Variants in DCDC1 observed in about 807,000 individuals in gnomAD.
DCDC1 encodes the protein doublecortin domain containing 1, also known as doublecortin domain-containing protein 1.
In DCDC1, 200 loss-of-function variants were observed where a neutral mutation model predicts 178.3. That is an observed-to-expected ratio of 1.12 (90% CI 1.00 to 1.26). The LOEUF is 1.26. Among genes scored for constraint, DCDC1 ranks in the 50% most tolerant of loss-of-function variants. The pLI, the probability that DCDC1 is intolerant of heterozygous loss-of-function variation, is 0.00. For missense variants in DCDC1, 1,983 were observed against 1,749.2 expected (o/e 1.13, Z -2.38); for synonymous variants, 690 against 604.8 (o/e 1.14, Z -2.07).
intron 20 of DCDC1, among the ~76,000 whole-genome samples, chr11:30,999,321 T>C (rs1951443380): frequency 6.6e-6 from 1 of 152,152 alleles, no homozygotes; most frequent in African/African-American, 2.4e-5. Context: ...ATGTAAGATG[T>C]TGGTTATGTA....
intron 9 of DCDC1, among the ~76,000 whole-genome samples, chr11:31,149,958 G>C (rs542854324): frequency 6.6e-6 from 1 of 152,302 alleles, no homozygotes; most frequent in South Asian, 2.1e-4. Flanking sequence ...CAGAAGGATT[G>C]CGGGATCAAA....
At chr11:31,072,973 A>G (rs1956659563) in intron 18 of DCDC1, among the ~76,000 whole-genome samples, 2 of 152,174 alleles carry the variant, frequency 1.3e-5, no homozygotes, top group Non-Finnish European at 2.9e-5. Context: ...TAAAGCAGCA[A>G]TTCTGCCTTT....
intron 11 of DCDC1, among the ~76,000 whole-genome samples, chr11:31,116,896 G>A (rs1960051410): frequency 6.6e-6 from 1 of 151,894 alleles, no homozygotes; most frequent in African/African-American, 2.4e-5. Context: ...GCCCAGAAAA[G>A]GCATACCAAA....
rs1315342239 is a variant in DCDC1 at position 31,137,782 on chromosome 11, C to T, written c.1224G>A (p.Leu408=). The change falls in exon 10 of 39, where the codon TTG becomes TTA. Residue 408 remains leucine (L), a splice_region_variant and synonymous_variant. Coordinates refer to ENST00000684477, the MANE Select transcript of DCDC1 (RefSeq NM_001387274.1). ...CCTTCTGTTCATTCATGACCAGGTT[C>T]AACTAGAAAAAACAAATAAACAGCA... ...LKSAKKYYKQ[L]NLVMNEQKEK... 5.7e-6 allele frequency: 4 copies of T among 701,578 alleles called. No individual in the cohort carries two copies. In the Admixed American group the frequency reaches 8.0e-5, roughly 14 times the overall value. 43.5% of individuals were successfully genotyped at this position (701,578 alleles called of 1,614,324 possible). A position where few individuals can be genotyped will look rare whatever the true frequency, so the allele number is the denominator to read the frequency against.
At chr11:30,867,407 C>T (rs1243626357) in intron 38 of DCDC1, among the ~76,000 whole-genome samples, 6 of 152,178 alleles carry the variant, frequency 3.9e-5, no homozygotes, top group Admixed American at 2.6e-4. Flanking sequence ...ATATCTACTT[C>T]GTAGGGTGGT....
intron 21 of DCDC1, among the ~76,000 whole-genome samples, chr11:30,934,862 AG>A (rs746505265): frequency 6.6e-6 from 1 of 152,138 alleles, no homozygotes; most frequent in African/African-American, 2.4e-5. Flanking sequence ...TCAATTTCTA[AG>A]GTTTGCCTTA....
chr11:30,894,782 C>T (rs1421422186), intron 34 of DCDC1, among the ~76,000 whole-genome samples: 2 of 152,114 alleles, frequency 1.3e-5, no homozygotes, highest in Non-Finnish European at 2.9e-5. Context: ...GCCTTTCCCC[C>T]ACAATTAGCT....
intron 20 of DCDC1, among the ~76,000 whole-genome samples, chr11:30,955,861 C>G (rs953875476): frequency 6.6e-6 from 1 of 152,180 alleles, no homozygotes. Flanking sequence ...TAAACCAACT[C>G]TGGTTAAGTC....
chr11:31,035,852 C>T (rs1220874425), intron 20 of DCDC1, among the ~76,000 whole-genome samples: 1 of 152,170 alleles, frequency 6.6e-6, no homozygotes, highest in East Asian at 1.9e-4. Context: ...CTGGAATTCT[C>T]CTGTAAGAAA....
chr11:31,294,877 CAG>C (rs763274126), intron 6 of DCDC1, among the ~76,000 whole-genome samples: 21 of 147,634 alleles, frequency 1.4e-4, no homozygotes, highest in Non-Finnish European at 3.0e-4. Flanking sequence ...AAAAAGAAAA[CAG>C]AAAGAGTGTA....
At chr11:30,975,366 G>C (rs1169151650) in intron 20 of DCDC1, among the ~76,000 whole-genome samples, 1 of 151,878 alleles carries the variant, frequency 6.6e-6, no homozygotes, top group Non-Finnish European at 1.5e-5. Context: ...GGAAGTCCTA[G>C]CCAGAGCAAT....
At chr11:31,089,937 C>T (rs1468537919) in intron 17 of DCDC1, among the ~76,000 whole-genome samples, 2 of 152,116 alleles carry the variant, frequency 1.3e-5, no homozygotes, top group African/African-American at 4.8e-5. Flanking sequence ...TGATTTTTCT[C>T]TTTAGTATAA....
intron 32 of DCDC1, among the ~76,000 whole-genome samples, chr11:30,901,206 A>T (rs2134110576): frequency 6.6e-6 from 1 of 152,248 alleles, no homozygotes; most frequent in Admixed American, 6.5e-5. Context: ...CCTCATAAAG[A>T]GCCTATTCGT....
intron 1 of DCDC1, among the ~76,000 whole-genome samples, chr11:31,363,440 G>T (rs1287611673): frequency 6.6e-6 from 1 of 152,108 alleles, no homozygotes; most frequent in Non-Finnish European, 1.5e-5. Flanking sequence ...TGCTAATGAT[G>T]AATTAAGTCA....
intron 8 of DCDC1, among the ~76,000 whole-genome samples, chr11:31,245,132 A>G (rs538151906): frequency 1.3e-5 from 2 of 151,536 alleles, no homozygotes; most frequent in East Asian, 3.9e-4. Context: ...CTCTGGCAAA[A>G]TATCCTAAAT....
chr11:31,100,312 C>T lies in DCDC1; in HGVS notation c.1983+1865G>A, dbSNP rs200595491. Among the ~76,000 whole-genome samples the T allele has an allele frequency of 7.2e-5, 11 of 152,278 alleles. No individual in the cohort carries two copies. The East Asian group carries it at 2.1e-3, about 29-fold the overall frequency. ...TCATCAAATATGTATTGTGCATTTG[C>T]CCTACATTCAAGACTTTGCATTAGT... is the stretch of plus-strand genomic sequence containing the variant. On this transcript the variant is annotated intron_variant, in intron 15 of 38. Transcript: ENST00000684477.
intron 36 of DCDC1, chr11:30,882,930 G>A (rs1942820693): frequency 6.6e-6 from 1 of 152,094 alleles, no homozygotes; most frequent in Non-Finnish European, 1.5e-5. Context: ...ACACAGAAAC[G>A]AGACAACCAC....
chr11:31,093,784 A>G (rs913155234), intron 16 of DCDC1, among the ~76,000 whole-genome samples: 4 of 152,220 alleles, frequency 2.6e-5, no homozygotes, highest in Non-Finnish European at 5.9e-5. Flanking sequence ...GTGGACTACA[A>G]ACAAATTCTA....
intron 14 of DCDC1, 31 bp downstream of exon 14, chr11:31,103,613 A>G (rs372803531): frequency 9.4e-6 from 7 of 747,400 alleles, no homozygotes; most frequent in Non-Finnish European, 1.2e-5. Flanking sequence ...TACTTTAACC[A>G]CATCTTTAAC....
Sources: gnomAD v4.1 joint callset for allele counts (sites outside exome capture counted in the v4.1 genomes callset) on GRCh38, gnomAD v4.1.1 for gene constraint, MANE v1.5 for transcripts, NCBI Gene and HGNC (gene_info 2026-07-23, HGNC 2026-07-21) for gene names.